Variants in RBFOX1 observed in about 807,000 individuals in gnomAD.
RBFOX1 encodes the protein RNA binding protein fox-1 homolog 1.
A neutral mutation model predicts 57.7 loss-of-function variants in RBFOX1; 8 were observed. The observed-to-expected ratio is 0.14, with a 90% confidence interval of 0.08 to 0.25. The LOEUF (loss-of-function observed/expected upper bound fraction) is 0.25, where lower values mean the gene tolerates loss of function less well. Among genes scored for constraint, RBFOX1 ranks in the 10% least tolerant of loss-of-function variants. The probability of loss-of-function intolerance (pLI) is 1.00; values close to 1 mark genes in which losing one functional copy is unlikely to be tolerated. For synonymous variants in RBFOX1, 326 were observed against 222.4 expected, an observed-to-expected ratio of 1.47 and a Z score of -4.15; for missense variants, 611 against 548.5, an observed-to-expected ratio of 1.11 and a Z score of -1.14.
chr16:5,312,240 G>C (rs1285346269), intron 1 of RBFOX1, among the ~76,000 whole-genome samples: 4 of 152,238 alleles, frequency 2.6e-5, no homozygotes, highest in Admixed American at 1.3e-4. Flanking sequence ...GCACAACTGA[G>C]AACATGTAGG....
Position 7,167,271 on chromosome 16 carries a change from C to T in RBFOX1, c.27+115173C>T, listed in dbSNP as rs538664869. On this transcript the variant is annotated intron_variant, in intron 4 of 15. Coordinates refer to ENST00000550418, the MANE Select transcript of RBFOX1 (RefSeq NM_018723.4). ...AAAGTGCTGGGATTACAGGTGTGAG[C>T]CACCACACCTGGCTGAAAATAGGAT... Among the ~76,000 whole-genome samples the T allele has an allele frequency of 3.3e-5, 5 of 151,882 alleles. No individual in the cohort carries two copies. In the South Asian group the frequency reaches 6.3e-4, roughly 19 times the overall value.
intron 4 of RBFOX1, among the ~76,000 whole-genome samples, chr16:7,372,153 C>G (rs1037082500): frequency 1.3e-5 from 2 of 152,128 alleles, no homozygotes; most frequent in Middle Eastern, 3.2e-3. Flanking sequence ...TGATTCAAAA[C>G]TTACCTCCTA....
chr16:7,230,424 G>C (rs1175998647), intron 4 of RBFOX1, among the ~76,000 whole-genome samples: 1 of 152,114 alleles, frequency 6.6e-6, no homozygotes. Context: ...TCATCTGCCT[G>C]CCTCTAAATC....
At chr16:5,568,423 C>T (rs1032566753) in intron 2 of RBFOX1, among the ~76,000 whole-genome samples, 1 of 152,186 alleles carries the variant, frequency 6.6e-6, no homozygotes, top group African/African-American at 2.4e-5. Context: ...GTGATCCCTT[C>T]CCTCAAAGCC....
intron 3 of RBFOX1, among the ~76,000 whole-genome samples, chr16:7,016,913 C>T (rs1029689330): frequency 6.6e-6 from 1 of 152,136 alleles, no homozygotes; most frequent in Non-Finnish European, 1.5e-5. Context: ...ACCTTGAAAT[C>T]CCTCACTGGC....
Position 5,622,160 on chromosome 16 carries a change from G to A in RBFOX1, c.318+23199G>A, listed in dbSNP as rs138358683. On this transcript the variant is annotated intron_variant, in intron 3 of 19. Transcript: ENST00000641259. ...TCAGCAACCAATTCCACTTGGCATC[G>A]ATGATCCACAATCTACAGTGTACCT... Among the ~76,000 whole-genome samples the A allele has an allele frequency of 1.7e-3, 261 of 152,226 alleles. 2 individuals carry two copies. The highest frequency in any genetic ancestry group is 5.6e-3 in the African/African-American group (234 of 41,540).
intron 1 of RBFOX1, among the ~76,000 whole-genome samples, chr16:5,374,964 T>C (rs1409459202): frequency 6.6e-6 from 1 of 151,796 alleles, no homozygotes; most frequent in African/African-American, 2.4e-5. Flanking sequence ...TGTTTATAAA[T>C]TCCTGGGATA....
At chr16:6,611,719 C>A (rs1389719638) in intron 2 of RBFOX1, among the ~76,000 whole-genome samples, 1 of 152,126 alleles carries the variant, frequency 6.6e-6, no homozygotes, top group Non-Finnish European at 1.5e-5. Context: ...TATTTTCACC[C>A]AGTAGAGGGC....
At chr16:5,875,721 T>C (rs957211965) in intron 4 of RBFOX1, among the ~76,000 whole-genome samples, 13 of 152,162 alleles carry the variant, frequency 8.5e-5, no homozygotes, top group African/African-American at 3.1e-4. Flanking sequence ...AGAAGCATCT[T>C]CCTCTGTGAA....
At chr16:7,408,123 A>G (rs1390008299) in intron 4 of RBFOX1, among the ~76,000 whole-genome samples, 1 of 152,204 alleles carries the variant, frequency 6.6e-6, no homozygotes, top group Non-Finnish European at 1.5e-5. Context: ...CACTCTCACA[A>G]CATGGGGGTC....
intron 2 of RBFOX1, among the ~76,000 whole-genome samples, chr16:6,460,457 C>CA (rs56761805): frequency 0.17 from 25,147 of 147,832 alleles, 2,657 homozygotes; most frequent in East Asian, 0.47. Flanking sequence ...AGACACTTCT[C>CA]AAAAAAAAAA....
At chr16:7,369,532 C>G (rs2097530298) in intron 4 of RBFOX1, among the ~76,000 whole-genome samples, 1 of 152,140 alleles carries the variant, frequency 6.6e-6, no homozygotes, top group African/African-American at 2.4e-5. Flanking sequence ...TTACATGGTT[C>G]TAGCTGATTA....
intron 4 of RBFOX1, among the ~76,000 whole-genome samples, chr16:7,172,163 C>T (rs9928738): frequency 0.019 from 2,902 of 152,216 alleles, 85 homozygotes; most frequent in African/African-American, 0.067. Context: ...AATTCTGCAT[C>T]CTGGAATTAA....
At chr16:6,232,001 T>C (rs2097465376) in intron 1 of RBFOX1, among the ~76,000 whole-genome samples, 1 of 152,226 alleles carries the variant, frequency 6.6e-6, no homozygotes, top group Non-Finnish European at 1.5e-5. Flanking sequence ...TTCCCTCGTT[T>C]GCAATATTAT....
At chr16:6,314,875 T>C (rs1289480499) in intron 1 of RBFOX1, among the ~76,000 whole-genome samples, 2 of 152,224 alleles carry the variant, frequency 1.3e-5, no homozygotes, top group Non-Finnish European at 2.9e-5. Flanking sequence ...ATTTCTATTC[T>C]AATTATTCTA....
At chr16:5,618,626 C>G (rs187702784) in intron 3 of RBFOX1, among the ~76,000 whole-genome samples, 1 of 152,188 alleles carries the variant, frequency 6.6e-6, no homozygotes, top group Non-Finnish European at 1.5e-5. Context: ...CGTGAGCCAT[C>G]GCGCCCAGCT....
At chr16:5,798,555 AG>A (rs1194857267) in intron 3 of RBFOX1, among the ~76,000 whole-genome samples, 22 of 152,176 alleles carry the variant, frequency 1.4e-4, no homozygotes, top group Non-Finnish European at 1.5e-5. Context: ...TACAGGGCAG[AG>A]GGCATCTGCG....
chr16:5,765,554 C>G (rs1158323919), intron 3 of RBFOX1, among the ~76,000 whole-genome samples: 1 of 152,212 alleles, frequency 6.6e-6, no homozygotes, highest in Non-Finnish European at 1.5e-5. Context: ...GTGCCAGACA[C>G]ACAGAGAGTG....
chr16:6,588,114 C>T (rs757754210), intron 2 of RBFOX1, among the ~76,000 whole-genome samples: 1 of 151,794 alleles, frequency 6.6e-6, no homozygotes, highest in Non-Finnish European at 1.5e-5. Context: ...ACCTGTAATC[C>T]CAGCTACTCG....
Sources: allele counts gnomAD v4.1 joint callset (sites outside exome capture counted in the v4.1 genomes callset), GRCh38; gene constraint gnomAD v4.1.1; transcripts MANE v1.5; gene names NCBI Gene and HGNC (gene_info 2026-07-23, HGNC 2026-07-21).